TVP23C: variants seen among roughly 807,000 people sequenced by gnomAD.
The protein encoded by TVP23C is trans-golgi network vesicle protein 23 homolog C.
TVP23C carries 19 observed loss-of-function variants against 28.7 expected under a neutral mutation model. That is an observed-to-expected ratio of 0.66 (90% CI 0.46 to 0.97). TVP23C has a LOEUF of 0.97. TVP23C is among the 50% of genes least tolerant of loss of function. The pLI, the probability that TVP23C is intolerant of heterozygous loss-of-function variation, is 0.00. For synonymous variants in TVP23C, 68 were observed against 81.7 expected (o/e 0.83, Z 0.90); for missense variants, 186 against 241.3 (o/e 0.77, Z 1.52).
chr17:15,551,407 T>C (rs189617983), intron 3 of TVP23C, among the ~76,000 whole-genome samples: 198 of 152,104 alleles, frequency 1.3e-3, no homozygotes, highest in African/African-American at 3.6e-3. Flanking sequence ...CGCCCAGCCA[T>C]AGTTGCCATT....
downstream of TVP23C, among the ~76,000 whole-genome samples, chr17:15,534,578 T>TACACAC (rs370038704): frequency 1.8e-4 from 22 of 125,148 alleles, no homozygotes; most frequent in African/African-American, 6.8e-4. Flanking sequence ...CCATCACTTC[T>TACACAC]ACACACACAC....
intron 1 of TVP23C, among the ~76,000 whole-genome samples, chr17:15,559,992 G>C (rs1762494174): frequency 6.7e-6 from 1 of 149,380 alleles, no homozygotes; most frequent in South Asian, 2.2e-4. Flanking sequence ...GTGCCTCCAG[G>C]AGGAGGATCC....
At chr17:15,513,026 G>A (rs2150830214) in intron 5 of TVP23C, among the ~76,000 whole-genome samples, 1 of 152,098 alleles carries the variant, frequency 6.6e-6, no homozygotes, top group East Asian at 1.9e-4. Context: ...AGCACTTTTG[G>A]TTCTAACGGC....
exon 6 of TVP23C, chr17:15,503,143 T>G: frequency 6.2e-7 from 1 of 1,606,056 alleles, no homozygotes; most frequent in Non-Finnish European, 8.5e-7. Flanking sequence ...GGCTCACGCC[T>G]GTTATCCCAG....
chr17:15,548,330 C>G (rs1443782042), intron 3 of TVP23C, among the ~76,000 whole-genome samples: 1 of 152,148 alleles, frequency 6.6e-6, no homozygotes, highest in African/African-American at 2.4e-5. Flanking sequence ...TCATGCCCAG[C>G]TAATTTTGTA....
chr17:15,534,013 G>C (rs1458356239), downstream of TVP23C, among the ~76,000 whole-genome samples: 1 of 152,212 alleles, frequency 6.6e-6, no homozygotes. Flanking sequence ...ACCACACTCA[G>C]AGTGGCCTTG....
At chr17:15,533,494 T>C (rs575028305), downstream of TVP23C, among the ~76,000 whole-genome samples, 9 of 152,320 alleles carry the variant, frequency 5.9e-5, no homozygotes, top group South Asian at 1.7e-3. Context: ...TAACTGGTAA[T>C]TGCATTTTTT....
At chr17:15,536,689 A>C (rs1983171924), downstream of TVP23C, among the ~76,000 whole-genome samples, 1 of 151,366 alleles carries the variant, frequency 6.6e-6, no homozygotes, top group Non-Finnish European at 1.5e-5. Flanking sequence ...TTTAGGTTAG[A>C]TCTTTCAGAT....
intron 3 of TVP23C, among the ~76,000 whole-genome samples, chr17:15,549,194 G>A (rs1983779708): frequency 6.6e-6 from 1 of 152,192 alleles, no homozygotes; most frequent in African/African-American, 2.4e-5. Flanking sequence ...AAGGTGATGT[G>A]GGAGGAAGAA....
chr17:15,534,628 G>C (rs1425529789), downstream of TVP23C, among the ~76,000 whole-genome samples: 1 of 150,276 alleles, frequency 6.7e-6, no homozygotes, highest in Non-Finnish European at 1.5e-5. Context: ...CCTATTTAGA[G>C]GTCTGGGTCA....
In TVP23C at chr17:15,529,451, C is replaced by CA. The variant is rs985150360; in HGVS notation, c.462+16333dup. Among the ~76,000 whole-genome samples, 984 of 140,488 alleles carry CA rather than the reference C, an allele frequency of 7.0e-3. 10 individuals are homozygous for CA. Among genetic ancestry groups the CA allele is most frequent in the South Asian group, 0.018 (82 of 4,438 alleles). 92.2% of individuals were successfully genotyped at this position (140,488 alleles called of 152,430 possible). A position where few individuals can be genotyped will look rare whatever the true frequency, so the allele number is the denominator to read the frequency against. ...TGGGTGATAGAGTGAGACTCTGTCT[C>CA]AAAAAAAAAAAGTAACTTAATTGTT... On this transcript the variant is annotated intron_variant, in intron 5 of 5. Transcript: ENST00000225576.
intron 5 of TVP23C, chr17:15,503,438 G>A (rs746859214): frequency 3.6e-6 from 2 of 548,778 alleles, no homozygotes; most frequent in African/African-American, 3.8e-5. Flanking sequence ...AAGGTGACCT[G>A]CTTTAGAACG....
chr17:15,521,000 A>T (rs1348486843), intron 5 of TVP23C, among the ~76,000 whole-genome samples: 1 of 151,792 alleles, frequency 6.6e-6, no homozygotes, highest in Admixed American at 6.6e-5. Context: ...CCAAAAATAA[A>T]GCTAACCACA....
At chr17:15,560,583 T>C (rs71371167) in intron 1 of TVP23C, among the ~76,000 whole-genome samples, 15,027 of 148,972 alleles carry the variant, frequency 0.1, 1,998 homozygotes, top group South Asian at 0.25. Flanking sequence ...TTGTTTGTTT[T>C]GAGACGGAGT....
At chr17:15,534,155 T>C (rs1258905479), downstream of TVP23C, among the ~76,000 whole-genome samples, 2 of 151,922 alleles carry the variant, frequency 1.3e-5, no homozygotes, top group Admixed American at 6.6e-5. Context: ...AGGATTTCTA[T>C]GTACATAATT....
At chr17:15,555,498 G>T in intron 1 of TVP23C, 134 bp from the exon 2 acceptor site, 1 of 1,404,850 alleles carries the variant, frequency 7.1e-7, no homozygotes, top group Non-Finnish European at 9.6e-7. Context: ...TCAAAACCTA[G>T]AAAAGGACAC....
intron 1 of TVP23C, chr17:15,562,754 A>G (rs1984456698): frequency 6.6e-6 from 1 of 152,240 alleles, no homozygotes; most frequent in Non-Finnish European, 1.5e-5. Context: ...CATCTCCTAG[A>G]ACCCACTTCC....
Position 15,537,626 on chromosome 17 carries a change from T to G in TVP23C, c.*2786A>C. On this transcript the variant is annotated 3_prime_UTR_variant, in exon 6 of 6. Coordinates refer to ENST00000518321, the MANE Select transcript of TVP23C (RefSeq NM_001135036.2). ...CTAAGAAATTTCCCCATGAAGTACA[T>G]ATTAAAAACTAACAATTATTTCTAA... The G allele has an allele frequency of 1.0e-6, 1 of 985,460 alleles. No individual in the cohort carries two copies. Among genetic ancestry groups the G allele is most frequent in the South Asian group, 4.7e-5 (1 of 21,296 alleles). 61.0% of individuals were successfully genotyped at this position (985,460 alleles called of 1,614,324 possible).
At chr17:15,562,577 C>T (rs1296959489) in intron 1 of TVP23C, 2 of 152,120 alleles carry the variant, frequency 1.3e-5, no homozygotes, top group Non-Finnish European at 2.9e-5. Flanking sequence ...TGAATTTAAC[C>T]ATTATTAGAT....
Sources: gnomAD v4.1 joint callset for allele counts (sites outside exome capture counted in the v4.1 genomes callset) on GRCh38, gnomAD v4.1.1 for gene constraint, MANE v1.5 for transcripts, NCBI Gene and HGNC (gene_info 2026-07-23, HGNC 2026-07-21) for gene names.